The following PARD3 variants were observed in gnomAD, a reference collection of about 807,000 sequenced individuals.
PARD3 encodes the protein partitioning defective 3 homolog.
A neutral mutation model predicts 155.4 loss-of-function variants in PARD3; 75 were observed. That is an observed-to-expected ratio of 0.48 (90% confidence interval 0.40 to 0.58). The LOEUF (loss-of-function observed/expected upper bound fraction) is 0.58. Ranked by LOEUF, PARD3 falls within the 20% of genes least tolerant of loss-of-function variation. The pLI is 0.00. For missense variants in PARD3, 1,642 were observed against 1,721.7 expected, an observed-to-expected ratio of 0.95 and a Z score of 0.82; for synonymous variants, 576 against 610.5, an observed-to-expected ratio of 0.94 and a Z score of 0.83.
At chr10:34,121,725 A>C (rs1402857655) in intron 23 of PARD3, among the ~76,000 whole-genome samples, 2 of 152,250 alleles carry the variant, frequency 1.3e-5, no homozygotes, top group East Asian at 3.8e-4. Context: ...ATATGGGCTT[A>C]GTTAGTGAGC....
intron 1 of PARD3, among the ~76,000 whole-genome samples, chr10:34,704,764 A>T (rs1590736970): frequency 6.6e-6 from 1 of 152,232 alleles, no homozygotes; most frequent in African/African-American, 2.4e-5. Flanking sequence ...CTAAAGAGAA[A>T]CAAGTTTGAA....
At chr10:34,287,980 G>A (rs778388612) in intron 20 of PARD3, among the ~76,000 whole-genome samples, 3 of 152,156 alleles carry the variant, frequency 2.0e-5, no homozygotes, top group East Asian at 1.9e-4. Flanking sequence ...GGAGGTCGCC[G>A]TGGACAGATC....
At chr10:34,397,118 T>C (rs973065506) in intron 7 of PARD3, among the ~76,000 whole-genome samples, 2 of 152,222 alleles carry the variant, frequency 1.3e-5, no homozygotes, top group Admixed American at 1.3e-4. Context: ...ACAACAGAAA[T>C]GCTTGGAAAG....
chr10:34,366,936 A>C (rs1840022926), intron 12 of PARD3, among the ~76,000 whole-genome samples: 1 of 152,162 alleles, frequency 6.6e-6, no homozygotes, highest in Non-Finnish European at 1.5e-5. Flanking sequence ...GTAAAGTTCA[A>C]ATGTCATATC....
At chr10:34,303,368 T>C (rs1957248791) in intron 20 of PARD3, among the ~76,000 whole-genome samples, 1 of 151,914 alleles carries the variant, frequency 6.6e-6, no homozygotes, top group South Asian at 2.1e-4. Context: ...TTCTCAAAAT[T>C]GTTCCAGAAT....
At chr10:34,257,181 CT>C (rs1296284491) in intron 22 of PARD3, among the ~76,000 whole-genome samples, 1 of 152,194 alleles carries the variant, frequency 6.6e-6, no homozygotes, top group Non-Finnish European at 1.5e-5. Flanking sequence ...TAATTTAAAA[CT>C]GGATTGCGGA....
At chr10:34,691,582 T>C (rs952593410) in intron 2 of PARD3, among the ~76,000 whole-genome samples, 1 of 152,080 alleles carries the variant, frequency 6.6e-6, no homozygotes, top group African/African-American at 2.4e-5. Flanking sequence ...CTTCACAGAA[T>C]TGGAAAAAAA....
chr10:34,743,095 A>G (rs1472590280), intron 1 of PARD3, among the ~76,000 whole-genome samples: 1 of 152,160 alleles, frequency 6.6e-6, no homozygotes, highest in Non-Finnish European at 1.5e-5. Context: ...ATATTCAATT[A>G]AATCTTATCA....
In PARD3 at chr10:34,791,530, C is replaced by T. The variant is rs556738872; in HGVS notation, c.120+23346G>A. The stretch of plus-strand genomic sequence containing the variant: ...TCAGCCCTCACGAGAAGAGACAAGA[C>T]GCGGGGACATGTGGCAAAGAAGGAC... On this transcript the variant is annotated intron_variant, in intron 1 of 24. Transcript: ENST00000374788. 4.6e-5 allele frequency among the ~76,000 whole-genome samples: 7 copies of T among 152,206 alleles called. No individual in the cohort carries two copies. In the South Asian group the frequency reaches 1.0e-3, roughly 23 times the overall value.
intron 5 of PARD3, among the ~76,000 whole-genome samples, chr10:34,427,167 C>T (rs892604587): frequency 6.6e-5 from 10 of 152,264 alleles, no homozygotes; most frequent in South Asian, 4.1e-4. Context: ...AGGATAACAG[C>T]GATTTTCAGG....
Position 34,360,135 on chromosome 10 carries a change from T to C in PARD3, c.1832A>G (p.Lys611Arg). 2 of 1,614,140 alleles carry C rather than the reference T, an allele frequency of 1.2e-6. No individual in the cohort carries two copies. The highest frequency in any genetic ancestry group is 1.7e-6 in the Non-Finnish European group (2 of 1,179,986). The change falls in exon 13 of 25, where the codon AAA becomes AGA. Residue 611 changes from lysine to arginine, a missense_variant. By Grantham distance (26) the Lys-to-Arg change is conservative. Coordinates refer to ENST00000374788, the MANE Select transcript of PARD3 (RefSeq NM_001184785.2). ...GATTCCCAAATCTGCGTGGTTCTCT[T>C]TTGACCGGTTACCTTTGACACTGAC... ...LGVSVKGNRS[K>R]ENHADLGIFV...
Position 34,680,385 on chromosome 10 carries a change from C to G in PARD3, c.222+15933G>C, listed in dbSNP as rs1032940582. On this transcript the variant is annotated intron_variant, in intron 2 of 24. Coordinates refer to ENST00000374788, the MANE Select transcript of PARD3 (RefSeq NM_001184785.2). ...ACCAGCCTGGAACACATGGTGAAAC[C>G]CCATCTCTACTAAAAAATAAAAAAA... Among the ~76,000 whole-genome samples, 71 of 152,006 alleles carry G rather than the reference C, an allele frequency of 4.7e-4. 2 individuals are homozygous for G. The highest frequency in any genetic ancestry group is 4.6e-3 in the Admixed American group (70 of 15,258).
At chr10:34,258,133 C>G (rs190381948) in intron 22 of PARD3, among the ~76,000 whole-genome samples, 1 of 152,294 alleles carries the variant, frequency 6.6e-6, no homozygotes, top group East Asian at 1.9e-4. Context: ...GGCCCGTAAA[C>G]ACCATACTGA....
chr10:34,288,171 A>G (rs1956493044), intron 20 of PARD3, among the ~76,000 whole-genome samples: 1 of 152,192 alleles, frequency 6.6e-6, no homozygotes. Context: ...TGATTGTGCC[A>G]CTGCACTCCA....
At chr10:34,308,037 T>A (rs1014302260) in intron 20 of PARD3, among the ~76,000 whole-genome samples, 3 of 152,052 alleles carry the variant, frequency 2.0e-5, no homozygotes, top group Non-Finnish European at 1.5e-5. Context: ...AGAGTGAACC[T>A]AGGAATACCT....
chr10:34,285,560 AG>A (rs1442637794), intron 20 of PARD3, among the ~76,000 whole-genome samples: 1 of 151,750 alleles, frequency 6.6e-6, no homozygotes, highest in Non-Finnish European at 1.5e-5. Flanking sequence ...TGGGAAAAAG[AG>A]GGAGACCTTA....
At chr10:34,541,439 C>T (rs2083605808) in intron 2 of PARD3, among the ~76,000 whole-genome samples, 1 of 152,232 alleles carries the variant, frequency 6.6e-6, no homozygotes, top group African/African-American at 2.4e-5. Context: ...CTCTCTCATT[C>T]TATATGAATC....
chr10:34,814,967 G>T lies in PARD3; in HGVS notation c.29C>A (p.Thr10Asn). The change falls in exon 1 of 25, where the codon ACC becomes AAC. Residue 10 changes from threonine (T) to asparagine (N), a missense_variant. Coordinates refer to ENST00000374788, the MANE Select transcript of PARD3 (RefSeq NM_001184785.2). MKVTVCFGR[T>N]RVVVPCGDGH... ...GTCCCCGCACGGCACGACCACCCGG[G>T]TCCGTCCGAAGCACACGGTCACTTT... is the stretch of plus-strand genomic sequence containing the variant. 1 of 1,555,992 alleles carries T rather than the reference G, an allele frequency of 6.4e-7. No homozygotes were observed. The highest frequency in any genetic ancestry group is 8.7e-7 in the Non-Finnish European group (1 of 1,153,318).
At chr10:34,224,138 A>T (rs1952462665) in intron 22 of PARD3, among the ~76,000 whole-genome samples, 1 of 152,222 alleles carries the variant, frequency 6.6e-6, no homozygotes, top group Non-Finnish European at 1.5e-5. Context: ...TCCTATAATC[A>T]TCAACGCCCT....
Sources: gnomAD v4.1 joint callset for allele counts (sites outside exome capture counted in the v4.1 genomes callset) on GRCh38, gnomAD v4.1.1 for gene constraint, MANE v1.5 for transcripts, NCBI Gene and HGNC (gene_info 2026-07-23, HGNC 2026-07-21) for gene names.